Variants in DAAM2 observed in about 807,000 individuals in gnomAD.
DAAM2 encodes disheveled-associated activator of morphogenesis 2.
In DAAM2, 39 loss-of-function variants were observed where a neutral mutation model predicts 120.7. The observed-to-expected ratio is 0.32, with a 90% CI of 0.25 to 0.42. The LOEUF is 0.42. Ranked by LOEUF, DAAM2 falls within the 10% of genes least tolerant of loss-of-function variation. DAAM2 has a pLI of 1.00. For synonymous variants in DAAM2, 488 were observed against 524.9 expected (o/e 0.93, Z 0.96); for missense variants, 1,283 against 1,401.7 (o/e 0.92, Z 1.35).
chr6:39,832,884 A>C (rs977109985), intron 1 of DAAM2, among the ~76,000 whole-genome samples: 1 of 152,002 alleles, frequency 6.6e-6, no homozygotes, highest in Non-Finnish European at 1.5e-5. Context: ...CCCACTGCTG[A>C]AGCTTAGGTC....
chr6:39,854,287 A>C (rs1264422305), intron 1 of DAAM2, among the ~76,000 whole-genome samples: 1 of 152,164 alleles, frequency 6.6e-6, no homozygotes, highest in Non-Finnish European at 1.5e-5. Context: ...TCATTTCCCA[A>C]ATGGTCAAGA....
intron 1 of DAAM2, among the ~76,000 whole-genome samples, chr6:39,848,375 G>A (rs1306461797): frequency 6.6e-6 from 1 of 152,130 alleles, no homozygotes; most frequent in African/African-American, 2.4e-5. Flanking sequence ...TGACCTTGGA[G>A]AACTATCATC....
rs186776795 is a variant in DAAM2 at position 39,805,716 on chromosome 6, G to A, written c.-57+13251G>A. Among the ~76,000 whole-genome samples, 471 of 152,016 alleles carry A rather than the reference G, an allele frequency of 3.1e-3. 7 individuals carry two copies. The highest frequency in any genetic ancestry group is 8.9e-3 in the South Asian group (43 of 4,816). On this transcript the variant is annotated intron_variant, in intron 1 of 24. Coordinates refer to ENST00000274867, the MANE Select transcript of DAAM2 (RefSeq NM_001201427.2). ...ACTACAGGCACCCACCACCACACCC[G>A]GCTAATTTTTTGTATTTTAGTAGAG...
At chr6:39,848,160 T>C (rs989569430) in intron 1 of DAAM2, among the ~76,000 whole-genome samples, 1 of 152,188 alleles carries the variant, frequency 6.6e-6, no homozygotes, top group Admixed American at 6.5e-5. Context: ...ACACTTCTTC[T>C]GGTGAATGTT....
intron 16 of DAAM2, chr6:39,887,900 G>A (rs377167093): frequency 8.9e-6 from 3 of 338,432 alleles, no homozygotes; most frequent in African/African-American, 4.3e-5. Context: ...AGCATTTCCC[G>A]CGGCTGCAGA....
At chr6:39,859,835 A>T (rs1764141895) in intron 2 of DAAM2, among the ~76,000 whole-genome samples, 1 of 152,218 alleles carries the variant, frequency 6.6e-6, no homozygotes, top group Non-Finnish European at 1.5e-5. Flanking sequence ...GTGAGAGAAT[A>T]AAGTCTTAAT....
Position 39,867,955 on chromosome 6 carries a change from T to C in DAAM2, c.762+112T>C, listed in dbSNP as rs1051172388. The C allele has an allele frequency of 6.3e-5, 62 of 984,044 alleles. No homozygotes were observed. The Middle Eastern group carries it at 1.6e-3, about 26-fold the overall frequency. The allele number at this position is 984,044 out of a possible 1,614,324, so 61.0% of individuals were successfully genotyped here. On this transcript the variant is annotated intron_variant, in intron 6 of 24. Coordinates refer to ENST00000274867, the MANE Select transcript of DAAM2 (RefSeq NM_001201427.2). ...AGAAACTGGGGGAAAAGGAAAGTAATGTGGTCTGCATGCCTGCTCCTGGAA... is the reference window on the plus strand; with the variant it reads ...AGAAACTGGGGGAAAAGGAAAGTAACGTGGTCTGCATGCCTGCTCCTGGAA...
chr6:39,890,096 C>G (rs1417158135), intron 17 of DAAM2, among the ~76,000 whole-genome samples: 1 of 151,776 alleles, frequency 6.6e-6, no homozygotes, highest in African/African-American at 2.4e-5. Context: ...CCATTGCACT[C>G]CAGCCTGGGC....
intron 1 of DAAM2, among the ~76,000 whole-genome samples, chr6:39,813,061 A>G (rs1486465905): frequency 6.6e-6 from 1 of 151,864 alleles, no homozygotes; most frequent in Non-Finnish European, 1.5e-5. Context: ...ACAAACCACA[A>G]CCGGGGAGCT....
rs147270558 is a variant in DAAM2 at position 39,802,767 on chromosome 6, A to G, written c.-57+10302A>G. Among the ~76,000 whole-genome samples the G allele has an allele frequency of 2.2e-3, 331 of 152,342 alleles. 1 individual carries two copies. Among genetic ancestry groups the G allele is most frequent in the African/African-American group, 7.6e-3 (314 of 41,574 alleles). On this transcript the variant is annotated intron_variant, in intron 1 of 24. Transcript: ENST00000274867. ...TGTCTTAACTTTTTATTGAAGCCCA[A>G]CATAAATGAGAAAAAATACACAATT...
At position 39,901,238 on chromosome 6, in the gene DAAM2, C is replaced by T. The variant is rs928431748; in HGVS notation, c.2812-64C>T. 6.6e-7 allele frequency: 1 copy of T among 1,509,202 alleles called. No individual in the cohort carries two copies. Among genetic ancestry groups the T allele is most frequent in the African/African-American group, 1.4e-5 (1 of 72,994 alleles). The allele number at this position is 1,509,202 out of a possible 1,614,324, so 93.5% of individuals were successfully genotyped here. On this transcript the variant is annotated intron_variant, in intron 23 of 24. Coordinates refer to ENST00000274867, the MANE Select transcript of DAAM2 (RefSeq NM_001201427.2). This position sits in a 1 kb window ranked among gnomAD's most constrained non-coding sequence, Gnocchi z 4.5. The stretch of plus-strand genomic sequence containing the variant: ...CTGCTCTGGCTAGAACCCAGCTAAC[C>T]TCAGGGGCTGAGCCCAGCATGCTCC...
chr6:39,879,443 C>T lies in DAAM2; in HGVS notation c.1811C>T (p.Pro604Leu). 6.2e-7 allele frequency: 1 copy of T among 1,614,028 alleles called. No homozygotes were observed. The highest frequency in any genetic ancestry group is 8.5e-7 in the Non-Finnish European group (1 of 1,179,896). ...AAGCGTGTCCCCCAGCCTTCTCACC[C>T]ACTGAAGTCCTTCAACTGGGTGAAG... ...RKKRVPQPSH[P>L]LKSFNWVKLN... Residue 604 changes from proline to leucine, a missense_variant, in exon 14 of 25, where the codon CCA becomes CTA. Around this residue, in one of 3 missense-constraint regions of DAAM2, gnomAD observed 748 missense variants for 768.6 expected, o/e 0.97. Transcript: ENST00000274867.
chr6:39,859,575 T>C (rs996325567), intron 2 of DAAM2, among the ~76,000 whole-genome samples: 3 of 152,192 alleles, frequency 2.0e-5, no homozygotes, highest in African/African-American at 7.2e-5. Flanking sequence ...TCATCTGAAT[T>C]GAGATGAACT....
chr6:39,889,648 T>G (rs1013617566), intron 17 of DAAM2, among the ~76,000 whole-genome samples: 2 of 152,218 alleles, frequency 1.3e-5, no homozygotes, highest in Non-Finnish European at 2.9e-5. Flanking sequence ...TGACCCTCCA[T>G]GCAGTCAAAA....
rs866601791 is a variant in DAAM2, at chr6:39,865,138, C to T, written c.428+64C>T. 109 of 975,072 alleles carry T rather than the reference C, an allele frequency of 1.1e-4. No homozygotes were observed. In the African/African-American group the frequency reaches 1.2e-3, roughly 11 times the overall value. The allele number at this position is 975,072 out of a possible 1,614,324, so 60.4% of individuals were successfully genotyped here. On this transcript the variant is annotated intron_variant, in intron 5 of 24. Transcript: ENST00000274867. ...TTCACAGTTGGTCTCCTTGCCTTCCCGAAGCCCTGTGCAGTGCTCTGCTCC... is the reference window on the plus strand; with the variant it reads ...TTCACAGTTGGTCTCCTTGCCTTCCTGAAGCCCTGTGCAGTGCTCTGCTCC...
intron 8 of DAAM2, 126 bp downstream of exon 8, chr6:39,870,569 A>G: frequency 1.5e-6 from 1 of 674,434 alleles, no homozygotes; most frequent in East Asian, 2.7e-5. Context: ...GCGCAGATTC[A>G]GAATCAGCTC....
intron 1 of DAAM2, among the ~76,000 whole-genome samples, chr6:39,840,757 G>A (rs1385879529): frequency 6.6e-6 from 1 of 152,196 alleles, no homozygotes; most frequent in Non-Finnish European, 1.5e-5. Flanking sequence ...GCCAGGCTCT[G>A]TGCTGAGCAC....
chr6:39,872,826 C>T (rs1202839728), intron 9 of DAAM2, among the ~76,000 whole-genome samples: 1 of 91,008 alleles, frequency 1.1e-5, no homozygotes, highest in East Asian at 3.0e-4. Context: ...GCCCCTGCTC[C>T]CTTCCCTAGT....
chr6:39,817,466 A>AG (rs2114105129), intron 1 of DAAM2, among the ~76,000 whole-genome samples: 1 of 152,328 alleles, frequency 6.6e-6, no homozygotes, highest in South Asian at 2.1e-4. Flanking sequence ...CTGGCAGAAC[A>AG]GGCCCTGTCT....
Sources: gnomAD v4.1 joint callset for allele counts (sites outside exome capture counted in the v4.1 genomes callset) on GRCh38, gnomAD v4.1.1 for gene constraint, gnomAD v4.1.1 regional missense constraint, Gnocchi (gnomAD v3.1) non-coding constraint, MANE v1.5 for transcripts, NCBI Gene and HGNC (gene_info 2026-07-23, HGNC 2026-07-21) for gene names.